CER1: variants seen among roughly 807,000 people sequenced by gnomAD.
CER1 encodes the protein cerberus 1, DAN family BMP antagonist.
A neutral mutation model predicts 11.8 loss-of-function variants in CER1; 10 were observed. That is an observed-to-expected ratio of 0.85 (90% CI 0.52 to 1.44). The LOEUF (loss-of-function observed/expected upper bound fraction) is 1.44. Among genes scored for constraint, CER1 ranks in the 40% most tolerant of loss-of-function variants. The pLI, the probability that CER1 is intolerant of heterozygous loss-of-function variation, is 0.00. For missense variants in CER1, 431 were observed against 327.0 expected (o/e 1.32, Z -2.45); for synonymous variants, 141 against 122.3 (o/e 1.15, Z -1.01).
At chr9:14,720,502 T>C in intron 1 of CER1, 116 bp from the exon 2 acceptor site, 1 of 1,075,138 alleles carries the variant, frequency 9.3e-7, no homozygotes, top group South Asian at 1.7e-5. Flanking sequence ...AGCTTTCCAA[T>C]TTTGGATACA....
Position 14,720,055 on chromosome 9 carries a change from G to A in CER1, c.*35C>T. On this transcript the variant is annotated 3_prime_UTR_variant, in exon 2 of 2. Coordinates refer to ENST00000380911, the MANE Select transcript of CER1 (RefSeq NM_005454.3). Reference sequence around the variant, plus strand: ...AATAATCAGCATCTTTGCTGTTGTGGTTTTGCTTTTCAAAGGTAATAGTGG... The same window carrying A: ...AATAATCAGCATCTTTGCTGTTGTGATTTTGCTTTTCAAAGGTAATAGTGG... 5 of 1,590,558 alleles carry A rather than the reference G, an allele frequency of 3.1e-6. No individual in the cohort carries two copies. The highest frequency in any genetic ancestry group is 3.4e-6 in the Non-Finnish European group (4 of 1,160,334).
chr9:14,719,384 A>C (rs991315103), downstream of CER1, among the ~76,000 whole-genome samples: 1 of 152,204 alleles, frequency 6.6e-6, no homozygotes, highest in Admixed American at 6.5e-5. Flanking sequence ...GAGGCAACCA[A>C]GCAAGTTACT....
At chr9:14,719,526 C>A (rs1324344760), downstream of CER1, among the ~76,000 whole-genome samples, 4 of 86,512 alleles carry the variant, frequency 4.6e-5, no homozygotes, top group Non-Finnish European at 9.0e-5. Context: ...TGCCTGCCTG[C>A]GTGCCTGCCT....
chr9:14,717,968 A>T (rs562593803), downstream of CER1, among the ~76,000 whole-genome samples: 14 of 152,330 alleles, frequency 9.2e-5, no homozygotes, highest in African/African-American at 3.1e-4. Context: ...CACTTAATAA[A>T]TGTTCAATAT....
At chr9:14,718,333 G>A (rs577178340), downstream of CER1, among the ~76,000 whole-genome samples, 1 of 152,170 alleles carries the variant, frequency 6.6e-6, no homozygotes, top group Non-Finnish European at 1.5e-5. Context: ...CATGACAGCT[G>A]TTTGATAGCT....
In CER1 at chr9:14,722,715, A is replaced by G. The variant is rs1448612460; in HGVS notation, c.-43T>C. 7 of 1,551,184 alleles carry G rather than the reference A, an allele frequency of 4.5e-6. 1 individual carries two copies. The Admixed American group carries it at 9.5e-5, about 21-fold the overall frequency. On this transcript the variant is annotated 5_prime_UTR_variant, in exon 1 of 2. Transcript: ENST00000380911. ...CTTCTTTTGTAAATGATGAGGCCCA[A>G]AGGAGAGGCTCATTCTCTGCAGGAC...
At chr9:14,721,843 C>T (rs886881161) in intron 1 of CER1, among the ~76,000 whole-genome samples, 3 of 152,100 alleles carry the variant, frequency 2.0e-5, no homozygotes, top group African/African-American at 7.2e-5. Flanking sequence ...AGGGTACAGT[C>T]TGACTTATAT....
chr9:14,719,999 T>C lies in CER1; in HGVS notation c.*91A>G, dbSNP rs1839985023. On this transcript the variant is annotated 3_prime_UTR_variant, in exon 2 of 2. Coordinates refer to ENST00000380911, the MANE Select transcript of CER1 (RefSeq NM_005454.3). Reference sequence around the variant, plus strand: ...GTTTCAAGTCACCTTTCCCTGAAAATGTTATGTACCCACTTAACATTTTCA... The same window carrying C: ...GTTTCAAGTCACCTTTCCCTGAAAACGTTATGTACCCACTTAACATTTTCA... The C allele has an allele frequency of 1.2e-5, 15 of 1,207,076 alleles. No individual in the cohort carries two copies. Among genetic ancestry groups the C allele is most frequent in the Non-Finnish European group, 1.8e-5 (15 of 839,988 alleles). The allele number at this position is 1,207,076 out of a possible 1,614,324, so 74.8% of individuals were successfully genotyped here.
chr9:14,718,287 G>A (rs867169387), downstream of CER1, among the ~76,000 whole-genome samples: 2 of 152,316 alleles, frequency 1.3e-5, no homozygotes, highest in Middle Eastern at 3.4e-3. Flanking sequence ...AATTGGCAGA[G>A]ATAGGTTTTC....
downstream of CER1, among the ~76,000 whole-genome samples, chr9:14,718,894 G>A (rs756062059): frequency 6.6e-6 from 1 of 152,114 alleles, no homozygotes; most frequent in Non-Finnish European, 1.5e-5. Context: ...AATGCTTCCA[G>A]CTAGGTTATC....
At chr9:14,720,629 T>C (rs7022400) in intron 1 of CER1, among the ~76,000 whole-genome samples, 23,545 of 152,132 alleles carry the variant, frequency 0.15, 2,615 homozygotes, top group African/African-American at 0.31. Flanking sequence ...ACATAAAAAA[T>C]ATTTTACTCT....
downstream of CER1, among the ~76,000 whole-genome samples, chr9:14,718,406 G>A (rs1839963655): frequency 6.6e-6 from 1 of 152,180 alleles, no homozygotes; most frequent in Non-Finnish European, 1.5e-5. Context: ...TTATCCTTAT[G>A]AGCATATCTT....
chr9:14,722,614 T>A lies in CER1; in HGVS notation c.59A>T (p.His20Leu). Residue 20 changes from histidine to leucine, a missense_variant, in exon 1 of 2, where the codon CAC becomes CTC. Coordinates refer to ENST00000380911, the MANE Select transcript of CER1 (RefSeq NM_005454.3). ...ACTCTGATTCTGGCGGCCATCCTGG[T>A]GCCGTGTGGTCTTTCCTAGAGGCAG... ...VLLPLGKTTR[H>L]QDGRQNQSSL... 1.2e-6 allele frequency: 2 copies of A among 1,608,798 alleles called. No homozygotes were observed. The highest frequency in any genetic ancestry group is 1.7e-6 in the Non-Finnish European group (2 of 1,179,944).
intron 1 of CER1, among the ~76,000 whole-genome samples, chr9:14,721,419 C>T (rs1166228221): frequency 1.3e-5 from 2 of 152,116 alleles, no homozygotes; most frequent in Non-Finnish European, 2.9e-5. Context: ...TCAGCCAACA[C>T]AACATGAATC....
chr9:14,719,561 GCCTTCCTTCCTTCCTT>G (rs1229695964), downstream of CER1, among the ~76,000 whole-genome samples: 41 of 62,546 alleles, frequency 6.6e-4, no homozygotes, highest in African/African-American at 2.4e-3. Flanking sequence ...CTGCCTGCCT[GCCTTCCTTCCTTCCTT>G]CCTTCCTTCC....
chr9:14,722,667 A>G lies in CER1; in HGVS notation c.6T>C (p.His2=). The change falls in exon 1 of 2, where the codon CAT becomes CAC. Residue 2 remains histidine (H), a synonymous_variant. Coordinates refer to ENST00000380911, the MANE Select transcript of CER1 (RefSeq NM_005454.3). Reference sequence around the variant, plus strand: ...GTACCAGCAGCTGAAATAAGAGGAGATGCATGCTGTCAGGGGCCCAAGCTT... The same window carrying G: ...GTACCAGCAGCTGAAATAAGAGGAGGTGCATGCTGTCAGGGGCCCAAGCTT... The part of the protein sequence containing the change: M[H]LLLFQLLVLL... The G allele has an allele frequency of 1.3e-6, 2 of 1,597,740 alleles. No homozygotes were observed. The highest frequency in any genetic ancestry group is 1.1e-5 in the South Asian group (1 of 90,558).
At chr9:14,719,462 G>A (rs901423061), downstream of CER1, among the ~76,000 whole-genome samples, 41 of 152,032 alleles carry the variant, frequency 2.7e-4, no homozygotes, top group African/African-American at 9.9e-4. Flanking sequence ...GGTTGCAAAA[G>A]TAACTATAAG....
Position 14,722,328 on chromosome 9 carries a change from C to G in CER1, c.345G>C (p.Pro115=), listed in dbSNP as rs138557355. 4 of 1,614,026 alleles carry G rather than the reference C, an allele frequency of 2.5e-6. No individual in the cohort carries two copies. The African/African-American group carries it at 4.0e-5, about 16-fold the overall frequency. The change falls in exon 1 of 2, where the codon CCG becomes CCC. Residue 115 remains proline, a synonymous_variant. Coordinates refer to ENST00000380911, the MANE Select transcript of CER1 (RefSeq NM_005454.3). ...FPPGTQSLIQ[P]IDGMKMEKSP... is the part of the protein sequence containing the mutation. ...ATTTCTCCATTTTCATTCCATCTAT[C>G]GGCTGGATGAGGGACTGGGTCCCAG...
In CER1 at chr9:14,720,199, A is replaced by C. The variant is rs779277889; in HGVS notation, c.695T>G (p.Val232Gly). 6.2e-7 allele frequency: 1 copy of C among 1,614,036 alleles called. No homozygotes were observed. The highest frequency in any genetic ancestry group is 2.2e-5 in the East Asian group (1 of 44,870). The change falls in exon 2 of 2, where the codon GTG (valine) becomes GGG (glycine). Residue 232 changes from valine to glycine, a missense_variant. By Grantham distance (109) the Val-to-Gly change is moderately radical (BLOSUM62 -3). Coordinates refer to ENST00000380911, the MANE Select transcript of CER1 (RefSeq NM_005454.3). ...CTGGCACTCCTCCACCAGCATCACC[A>C]CCTTGATCACGGAGGAAAGTTCAGT... ...NCTELSSVIK[V>G]VMLVEECQCK...
Sources: gnomAD v4.1 joint callset for allele counts (sites outside exome capture counted in the v4.1 genomes callset) on GRCh38, gnomAD v4.1.1 for gene constraint, MANE v1.5 for transcripts, NCBI Gene and HGNC (gene_info 2026-07-23, HGNC 2026-07-21) for gene names.